The following TRIQK variants were observed in gnomAD, a reference collection of about 807,000 sequenced individuals.
The protein encoded by TRIQK is triple QxxK/R motif containing.
Under a neutral mutation model 10.8 loss-of-function variants are expected in TRIQK, and 10 were observed. The observed-to-expected ratio is 0.92, with a 90% CI of 0.57 to 1.57. TRIQK has a LOEUF of 1.57. TRIQK is among the 40% of genes most tolerant of loss of function. TRIQK has a pLI of 0.00. For synonymous variants in TRIQK, 33 were observed against 33.7 expected (o/e 0.98, Z 0.07); for missense variants, 107 against 97.7 (o/e 1.09, Z -0.40).
At chr8:92,988,757 A>G (rs902212422) in intron 1 of TRIQK, among the ~76,000 whole-genome samples, 28 of 152,184 alleles carry the variant, frequency 1.8e-4, no homozygotes, top group African/African-American at 5.3e-4. Context: ...CTCTCTTAAC[A>G]ATTAGCAAAT....
intron 2 of TRIQK, among the ~76,000 whole-genome samples, chr8:92,923,443 T>G (rs1810287442): frequency 6.6e-6 from 1 of 151,918 alleles, no homozygotes; most frequent in Admixed American, 6.6e-5. Flanking sequence ...CATCACCTTC[T>G]TTTGTAAAGA....
At chr8:93,001,476 A>G (rs1281248291) in intron 1 of TRIQK, among the ~76,000 whole-genome samples, 1 of 152,228 alleles carries the variant, frequency 6.6e-6, no homozygotes, top group Non-Finnish European at 1.5e-5. Context: ...AAAGTGAACA[A>G]AAGTAGCTAA....
At chr8:92,905,646 G>C (rs549183789) in intron 3 of TRIQK, among the ~76,000 whole-genome samples, 4 of 152,234 alleles carry the variant, frequency 2.6e-5, no homozygotes, top group African/African-American at 9.6e-5. Flanking sequence ...GAGTTGAGTA[G>C]AGCATGGGAC....
chr8:92,976,532 G>A (rs142975454), intron 1 of TRIQK, among the ~76,000 whole-genome samples: 1 of 151,924 alleles, frequency 6.6e-6, no homozygotes, highest in Non-Finnish European at 1.5e-5. Context: ...ATATTTTCAA[G>A]TGTTCTCTTT....
intron 1 of TRIQK, among the ~76,000 whole-genome samples, chr8:93,006,828 A>C (rs1013069346): frequency 2.0e-5 from 3 of 152,170 alleles, no homozygotes; most frequent in Non-Finnish European, 4.4e-5. Flanking sequence ...AACTCCAGCC[A>C]GGGGTTTAGG....
At chr8:92,887,606 T>C (rs1816556375) in intron 4 of TRIQK, among the ~76,000 whole-genome samples, 1 of 151,550 alleles carries the variant, frequency 6.6e-6, no homozygotes, top group Admixed American at 6.6e-5. Context: ...CAGTTCAGTA[T>C]CCTAAAGGGC....
intron 4 of TRIQK, 115 bp downstream of exon 4, chr8:92,891,874 A>G: frequency 2.7e-6 from 2 of 727,972 alleles, no homozygotes; most frequent in South Asian, 2.1e-5. Context: ...CTGGCATTCT[A>G]TTTAGATTGT....
At chr8:92,939,585 CAA>C (rs1159257019) in intron 2 of TRIQK, among the ~76,000 whole-genome samples, 1 of 152,044 alleles carries the variant, frequency 6.6e-6, no homozygotes, top group Non-Finnish European at 1.5e-5. Flanking sequence ...CCTCCCCAGG[CAA>C]AGAGATGTCC....
intron 1 of TRIQK, chr8:92,974,539 G>C (rs1812910586): frequency 1.3e-5 from 2 of 152,194 alleles, no homozygotes; most frequent in African/African-American, 4.8e-5. Context: ...GGAGACTGAA[G>C]CTTGGTTGTT....
intron 1 of TRIQK, among the ~76,000 whole-genome samples, chr8:93,014,121 A>T (rs1023349761): frequency 3.3e-5 from 5 of 152,144 alleles, no homozygotes; most frequent in Non-Finnish European, 7.4e-5. Context: ...TCTACTGGGA[A>T]ATCTGTTTCA....
chr8:92,888,802 G>A (rs1270853967), intron 4 of TRIQK, among the ~76,000 whole-genome samples: 1 of 151,560 alleles, frequency 6.6e-6, no homozygotes, highest in Non-Finnish European at 1.5e-5. Flanking sequence ...AACTAAACTT[G>A]TGATCCTTAT....
chr8:92,933,185 C>T (rs927304098), intron 2 of TRIQK, among the ~76,000 whole-genome samples: 4 of 152,240 alleles, frequency 2.6e-5, no homozygotes, highest in East Asian at 1.9e-4. Flanking sequence ...CATTCTACTA[C>T]GCCCTTTCCA....
At chr8:92,965,125 G>A (rs1215612000) in intron 1 of TRIQK, 1 of 152,042 alleles carries the variant, frequency 6.6e-6, no homozygotes, top group Non-Finnish European at 1.5e-5. Flanking sequence ...AGTATGAGCC[G>A]AGTGAAGCAA....
chr8:92,907,725 ATAT>A (rs1809350437), intron 3 of TRIQK, among the ~76,000 whole-genome samples: 1 of 152,048 alleles, frequency 6.6e-6, no homozygotes, highest in Non-Finnish European at 1.5e-5. Flanking sequence ...TAATTAGTAG[ATAT>A]TATCTGTGTT....
intron 3 of TRIQK, among the ~76,000 whole-genome samples, chr8:92,908,679 T>C (rs1387113559): frequency 1.4e-4 from 22 of 152,092 alleles, no homozygotes; most frequent in Non-Finnish European, 4.4e-5. Flanking sequence ...AACAAAGATA[T>C]ATAATTTATT....
intron 2 of TRIQK, among the ~76,000 whole-genome samples, chr8:92,921,046 C>A (rs1810153408): frequency 6.6e-6 from 1 of 151,640 alleles, no homozygotes; most frequent in South Asian, 2.1e-4. Context: ...TTTATCATCA[C>A]AATGGACCAA....
At chr8:93,006,991 G>A (rs62520833) in intron 1 of TRIQK, among the ~76,000 whole-genome samples, 4 of 152,224 alleles carry the variant, frequency 2.6e-5, no homozygotes, top group African/African-American at 4.8e-5. Flanking sequence ...CACCCCCATC[G>A]CCAAGGGGCA....
At chr8:92,978,252 G>A (rs2130742065) in intron 1 of TRIQK, among the ~76,000 whole-genome samples, 1 of 152,192 alleles carries the variant, frequency 6.6e-6, no homozygotes, top group Admixed American at 6.5e-5. Context: ...CTCTCCATGT[G>A]CTGTGGCCTG....
chr8:93,003,356 G>A (rs1421028402), intron 1 of TRIQK, among the ~76,000 whole-genome samples: 4 of 143,376 alleles, frequency 2.8e-5, no homozygotes, highest in African/African-American at 7.9e-5. Flanking sequence ...AGGGGGAAGT[G>A]TTACACACAT....
Sources: allele counts gnomAD v4.1 joint callset (sites outside exome capture counted in the v4.1 genomes callset), GRCh38; gene constraint gnomAD v4.1.1; transcripts MANE v1.5; gene names NCBI Gene and HGNC (gene_info 2026-07-23, HGNC 2026-07-21).